Variants in FA2H observed in about 807,000 individuals in gnomAD.
FA2H encodes the protein fatty acid 2-hydroxylase, also known as fatty acid alpha-hydroxylase.
In FA2H, 22 loss-of-function variants were observed where a neutral mutation model predicts 44.9. That is an observed-to-expected ratio of 0.49 (90% CI 0.35 to 0.70). The LOEUF (loss-of-function observed/expected upper bound fraction) is 0.70, where lower values mean the gene tolerates loss of function less well. Ranked by LOEUF, FA2H falls within the 30% of genes least tolerant of loss-of-function variation. FA2H has a pLI of 0.01. For missense variants in FA2H, 501 were observed against 504.9 expected, an observed-to-expected ratio of 0.99 and a Z score of 0.07; for synonymous variants, 243 against 213.2, an observed-to-expected ratio of 1.14 and a Z score of -1.22.
At chr16:74,759,091 A>T (rs542121668) in intron 1 of FA2H, among the ~76,000 whole-genome samples, 6 of 152,354 alleles carry the variant, frequency 3.9e-5, no homozygotes, top group Admixed American at 2.0e-4. Flanking sequence ...GACTCATGAC[A>T]TCTAGTCTGG....
intron 1 of FA2H, among the ~76,000 whole-genome samples, chr16:74,748,793 G>A (rs1026032232): frequency 6.6e-5 from 10 of 152,320 alleles, no homozygotes; most frequent in Admixed American, 3.9e-4. Context: ...CGGGGGCGCC[G>A]GCATAAAGGC....
chr16:74,755,768 C>A (rs1422664820), intron 1 of FA2H, among the ~76,000 whole-genome samples: 1 of 152,066 alleles, frequency 6.6e-6, no homozygotes, highest in African/African-American at 2.4e-5. Context: ...TTGTGTATAC[C>A]AGCACTAACT....
chr16:74,721,471 C>T (rs908667531), intron 4 of FA2H, among the ~76,000 whole-genome samples: 3 of 152,062 alleles, frequency 2.0e-5, no homozygotes, highest in Non-Finnish European at 4.4e-5. Context: ...CTTGGCCTAG[C>T]CGTTCTCTTT....
intron 5 of FA2H, among the ~76,000 whole-genome samples, chr16:74,718,432 C>T (rs545536672): frequency 1.3e-5 from 2 of 152,180 alleles, no homozygotes; most frequent in African/African-American, 2.4e-5. Context: ...CTGGGACTGT[C>T]GTGGAGTCCT....
At chr16:74,726,091 C>T in intron 4 of FA2H, 134 bp downstream of exon 4, 1 of 695,504 alleles carries the variant, frequency 1.4e-6, no homozygotes, top group Non-Finnish European at 2.6e-6. Context: ...ACTATTTCTA[C>T]AGAGAGGCTT....
intron 5 of FA2H, 42 bp downstream of exon 5, chr16:74,718,946 G>A (rs768936756): frequency 8.7e-6 from 14 of 1,608,344 alleles, no homozygotes; most frequent in Non-Finnish European, 1.0e-5. Flanking sequence ...GCCCTCTCGG[G>A]CTGCACATGC....
At chr16:74,765,793 CTCTT>C (rs1387028597) in intron 1 of FA2H, among the ~76,000 whole-genome samples, 1 of 150,730 alleles carries the variant, frequency 6.6e-6, no homozygotes, top group Non-Finnish European at 1.5e-5. Flanking sequence ...GTCTCAAGCT[CTCTT>C]TCTGCCTTGG....
intron 4 of FA2H, among the ~76,000 whole-genome samples, chr16:74,722,527 C>A (rs1046394080): frequency 3.3e-5 from 5 of 151,772 alleles, no homozygotes; most frequent in East Asian, 1.9e-4. Context: ...CAGAGCAAGA[C>A]CCTGTCTCAA....
intron 6 of FA2H, among the ~76,000 whole-genome samples, chr16:74,715,152 A>T (rs974286114): frequency 4.0e-5 from 6 of 151,892 alleles, no homozygotes; most frequent in African/African-American, 1.5e-4. Flanking sequence ...ACCTATGTGA[A>T]CTACTGTTTG....
intron 4 of FA2H, among the ~76,000 whole-genome samples, chr16:74,724,912 C>T (rs977863369): frequency 3.3e-5 from 5 of 152,174 alleles, no homozygotes; most frequent in African/African-American, 9.7e-5. Context: ...TGGAGGAATC[C>T]GGCGGAGGGA....
intron 1 of FA2H, among the ~76,000 whole-genome samples, chr16:74,741,808 A>ATGTGTGTGTGTGTG (rs1208446986): frequency 2.1e-4 from 10 of 48,406 alleles, no homozygotes; most frequent in African/African-American, 1.1e-3. Flanking sequence ...ATATATATAT[A>ATGTGTGTGTGTGTG]TGTGTGTGTG....
intron 1 of FA2H, among the ~76,000 whole-genome samples, chr16:74,768,970 A>G (rs1256609039): frequency 6.6e-6 from 1 of 152,050 alleles, no homozygotes; most frequent in Admixed American, 6.6e-5. Context: ...GCATAGTCAG[A>G]TATCTGCCAA....
intron 1 of FA2H, among the ~76,000 whole-genome samples, chr16:74,743,387 A>G (rs2144639106): frequency 6.6e-6 from 1 of 152,350 alleles, no homozygotes; most frequent in South Asian, 2.1e-4. Flanking sequence ...CAGCACATTG[A>G]AAGCTTCATT....
Position 74,730,977 on chromosome 16 carries a change from C to G in FA2H, c.364-3591G>C, listed in dbSNP as rs534938012. Among the ~76,000 whole-genome samples, 78 of 152,280 alleles carry G rather than the reference C, an allele frequency of 5.1e-4. 1 individual carries two copies. In the South Asian group the frequency reaches 0.016, roughly 32 times the overall value. ...TGGGCCCTGGAAATACTCCTTCTCCCGAAGTCCGCTTGGGTATTAATAGAA... is the reference window on the plus strand; with the variant it reads ...TGGGCCCTGGAAATACTCCTTCTCCGGAAGTCCGCTTGGGTATTAATAGAA... On this transcript the variant is annotated intron_variant, in intron 2 of 6. Coordinates refer to ENST00000219368, the MANE Select transcript of FA2H (RefSeq NM_024306.5).
intron 1 of FA2H, among the ~76,000 whole-genome samples, chr16:74,770,139 A>G (rs1179523657): frequency 6.6e-6 from 1 of 152,222 alleles, no homozygotes; most frequent in Non-Finnish European, 1.5e-5. Context: ...GAGCTGGTTC[A>G]TGGCACTCCC....
At chr16:74,721,236 C>T (rs908593888) in intron 4 of FA2H, among the ~76,000 whole-genome samples, 8 of 152,006 alleles carry the variant, frequency 5.3e-5, no homozygotes, top group South Asian at 2.1e-4. Context: ...GGGACGATCT[C>T]GGCTCACTGC....
chr16:74,761,078 C>G (rs922189285), intron 1 of FA2H, among the ~76,000 whole-genome samples: 2 of 152,102 alleles, frequency 1.3e-5, no homozygotes, highest in Non-Finnish European at 2.9e-5. Context: ...GTGTAACAAA[C>G]CTGCACATCC....
intron 1 of FA2H, among the ~76,000 whole-genome samples, chr16:74,756,918 A>T (rs1167763506): frequency 1.3e-5 from 2 of 152,204 alleles, no homozygotes; most frequent in Non-Finnish European, 2.9e-5. Flanking sequence ...CACTAAGCAT[A>T]CAATTATTAG....
At chr16:74,759,477 T>G (rs1018320857) in intron 1 of FA2H, among the ~76,000 whole-genome samples, 2 of 152,212 alleles carry the variant, frequency 1.3e-5, no homozygotes, top group Non-Finnish European at 2.9e-5. Flanking sequence ...AGTAAGAGTT[T>G]CCCACTCCTT....
Sources: allele counts gnomAD v4.1 joint callset (sites outside exome capture counted in the v4.1 genomes callset), GRCh38; gene constraint gnomAD v4.1.1; transcripts MANE v1.5; gene names NCBI Gene and HGNC (gene_info 2026-07-23, HGNC 2026-07-21).